Variants in TCF7L2 observed in about 807,000 individuals in gnomAD.
The protein encoded by TCF7L2 is transcription factor 7 like 2.
Under a neutral mutation model 77.9 loss-of-function variants are expected in TCF7L2, and 23 were observed. The ratio of observed to expected loss-of-function variants is 0.30; its 90% confidence interval spans 0.21 to 0.42. TCF7L2 has a LOEUF of 0.42. Among genes scored for constraint, TCF7L2 ranks in the 10% least tolerant of loss-of-function variants. The pLI, the probability that TCF7L2 is intolerant of heterozygous loss-of-function variation, is 1.00. For missense variants in TCF7L2, 654 were observed against 793.1 expected, an observed-to-expected ratio of 0.82 and a Z score of 2.11; for synonymous variants, 413 against 340.2, an observed-to-expected ratio of 1.21 and a Z score of -2.36.
rs144729025 is a variant in TCF7L2 at position 113,112,330 on chromosome 10, G to A, written c.553-28854G>A. Among the ~76,000 whole-genome samples, 162 of 152,358 alleles carry A rather than the reference G, an allele frequency of 1.1e-3. 1 individual carries two copies. Among genetic ancestry groups the A allele is most frequent in the Admixed American group, 3.1e-3 (47 of 15,306 alleles). On this transcript the variant is annotated intron_variant, in intron 5 of 13. Transcript: ENST00000627217. ...CTGTGCTGTCAGCAGAAGGGGCCAG[G>A]CATGTTCACACACACACACATGCAC... is the stretch of plus-strand genomic sequence containing the variant.
chr10:113,008,898 C>A (rs1260430906), intron 4 of TCF7L2, among the ~76,000 whole-genome samples: 1 of 152,118 alleles, frequency 6.6e-6, no homozygotes, highest in African/African-American at 2.4e-5. Flanking sequence ...AAATTCTGCT[C>A]ATGGAATAGC....
intron 5 of TCF7L2, among the ~76,000 whole-genome samples, chr10:113,117,420 TC>T (rs2063942055): frequency 1.0e-4 from 4 of 39,362 alleles, no homozygotes; most frequent in African/African-American, 4.5e-4. Flanking sequence ...TCTCTCTCTC[TC>T]TCTCTCTCTC....
At chr10:113,004,921 G>A (rs942864390) in intron 4 of TCF7L2, among the ~76,000 whole-genome samples, 1 of 152,106 alleles carries the variant, frequency 6.6e-6, no homozygotes, top group Non-Finnish European at 1.5e-5. Context: ...CAATCCGCCC[G>A]CCTCGGCCTC....
At chr10:113,067,285 C>T (rs2057383344) in intron 5 of TCF7L2, among the ~76,000 whole-genome samples, 1 of 152,156 alleles carries the variant, frequency 6.6e-6, no homozygotes, top group Non-Finnish European at 1.5e-5. Flanking sequence ...GGTTGTCATA[C>T]AAAGAAATGA....
chr10:113,094,655 C>T (rs1459064191), intron 5 of TCF7L2, among the ~76,000 whole-genome samples: 2 of 152,202 alleles, frequency 1.3e-5, no homozygotes, highest in Non-Finnish European at 2.9e-5. Flanking sequence ...ATTTAAAAAT[C>T]GTAGGTGGGA....
At chr10:112,972,736 G>T (rs2038553460) in intron 4 of TCF7L2, among the ~76,000 whole-genome samples, 1 of 152,216 alleles carries the variant, frequency 6.6e-6, no homozygotes, top group Non-Finnish European at 1.5e-5. Flanking sequence ...CTCCCAAAGT[G>T]CTGGGATTAC....
At chr10:113,036,688 CT>C (rs1554964173) in intron 4 of TCF7L2, among the ~76,000 whole-genome samples, 6 of 150,526 alleles carry the variant, frequency 4.0e-5, no homozygotes, top group African/African-American at 1.2e-4. Flanking sequence ...TTCTTTCTTT[CT>C]TTTTTTTTAA....
At chr10:112,963,736 C>T (rs1383617835) in intron 3 of TCF7L2, among the ~76,000 whole-genome samples, 3 of 152,184 alleles carry the variant, frequency 2.0e-5, no homozygotes, top group Admixed American at 6.5e-5. Flanking sequence ...CTTGCTCTTC[C>T]TATTTCGGGA....
chr10:113,151,547 A>G lies in TCF7L2; in HGVS notation c.1002-178A>G, dbSNP rs1359883851. ...ATTGCAAAATCCCTCTCTTCCCCCA[A>G]CCCCTCCCCAAGCTATTTTTGTTCC... is the stretch of plus-strand genomic sequence containing the variant. On this transcript the variant is annotated intron_variant, in intron 9 of 13. Coordinates refer to ENST00000627217, the MANE Select transcript of TCF7L2 (RefSeq NM_001146274.2). This position sits in a 1 kb window ranked among gnomAD's most constrained non-coding sequence, Gnocchi z 5.2. 6.6e-6 allele frequency among the ~76,000 whole-genome samples: 1 copy of G among 151,544 alleles called. No homozygotes were observed. Among genetic ancestry groups the G allele is most frequent in the Non-Finnish European group, 1.5e-5 (1 of 67,908 alleles).
chr10:113,109,818 G>A (rs987166556), intron 5 of TCF7L2, among the ~76,000 whole-genome samples: 4 of 152,188 alleles, frequency 2.6e-5, no homozygotes, highest in Non-Finnish European at 5.9e-5. Context: ...AGATGCAATG[G>A]CCTCAGTTGT....
In TCF7L2 at chr10:113,040,054, T is replaced by C. The variant is rs1396649788; in HGVS notation, c.480T>C (p.Asp160=). 1.9e-6 allele frequency: 3 copies of C among 1,613,982 alleles called. No homozygotes were observed. Among genetic ancestry groups the C allele is most frequent in the Non-Finnish European group, 1.7e-6 (2 of 1,179,918 alleles). ...TCCAGATGAAATGGCCACTGCTTGA[T>C]GTCCAGGCAGGGAGCCTCCAGAGTA... Residue 160 remains aspartate (D), a synonymous_variant, in exon 5 of 14, where the codon GAT becomes GAC. Transcript: ENST00000627217.
chr10:113,098,754 C>T (rs993821026), intron 5 of TCF7L2, among the ~76,000 whole-genome samples: 1 of 152,128 alleles, frequency 6.6e-6, no homozygotes, highest in Non-Finnish European at 1.5e-5. Flanking sequence ...ATATTATGAT[C>T]ATTGACTTTT....
chr10:113,056,102 C>G (rs942177320), intron 5 of TCF7L2, among the ~76,000 whole-genome samples: 1 of 152,194 alleles, frequency 6.6e-6, no homozygotes, highest in Non-Finnish European at 1.5e-5. Flanking sequence ...ATCCTGGGCT[C>G]CTGACTCTGG....
At chr10:113,040,999 G>A (rs1936895726) in intron 5 of TCF7L2, among the ~76,000 whole-genome samples, 2 of 152,282 alleles carry the variant, frequency 1.3e-5, no homozygotes, top group East Asian at 1.9e-4. Flanking sequence ...ATCACAAAAT[G>A]TTAATCATAA....
In TCF7L2 at chr10:113,084,321, G is replaced by C. The variant is rs543378501; in HGVS notation, c.552+44195G>C. On this transcript the variant is annotated intron_variant, in intron 5 of 13. Transcript: ENST00000627217. ...TAAAGGCTGGAGGACTGGTAGAACT[G>C]ATGGTGTAATTCCTTTTCAAAGGCC... Among the ~76,000 whole-genome samples the C allele has an allele frequency of 5.3e-5, 8 of 152,334 alleles. No homozygotes were observed. The East Asian group carries it at 5.8e-4, about 11-fold the overall frequency.
At chr10:113,002,482 C>G (rs775263333) in intron 4 of TCF7L2, among the ~76,000 whole-genome samples, 3 of 152,146 alleles carry the variant, frequency 2.0e-5, no homozygotes, top group Admixed American at 6.5e-5. Context: ...CCCCCTGTGA[C>G]AGGAGTCATC....
At chr10:113,057,438 T>G (rs1212042370) in intron 5 of TCF7L2, among the ~76,000 whole-genome samples, 1 of 152,070 alleles carries the variant, frequency 6.6e-6, no homozygotes, top group Non-Finnish European at 1.5e-5. Flanking sequence ...CCCGAAGTGG[T>G]GGGATTATAG....
intron 5 of TCF7L2, among the ~76,000 whole-genome samples, chr10:113,059,297 A>T (rs1422149350): frequency 6.6e-6 from 1 of 152,028 alleles, no homozygotes; most frequent in Non-Finnish European, 1.5e-5. Flanking sequence ...AACTCCATAA[A>T]AACATGCGGC....
intron 5 of TCF7L2, among the ~76,000 whole-genome samples, chr10:113,109,793 A>G (rs2062884062): frequency 1.3e-5 from 2 of 152,270 alleles, no homozygotes; most frequent in South Asian, 4.1e-4. Context: ...TACAGCTTTT[A>G]TAATCAACAG....
Sources: allele counts gnomAD v4.1 joint callset (sites outside exome capture counted in the v4.1 genomes callset), GRCh38; gene constraint gnomAD v4.1.1; non-coding constraint Gnocchi (gnomAD v3.1); transcripts MANE v1.5; gene names NCBI Gene and HGNC (gene_info 2026-07-23, HGNC 2026-07-21).